Variants in RBFOX1 observed in about 807,000 individuals in gnomAD.
RBFOX1 encodes RNA binding fox-1 homolog 1, also known as RNA binding protein fox-1 homolog 1.
A neutral mutation model predicts 57.7 loss-of-function variants in RBFOX1; 8 were observed. That is an observed-to-expected ratio of 0.14 (90% confidence interval 0.08 to 0.25). The LOEUF is 0.25. Among genes scored for constraint, RBFOX1 ranks in the 10% least tolerant of loss-of-function variants. The pLI, the probability that RBFOX1 is intolerant of heterozygous loss-of-function variation, is 1.00. For synonymous variants in RBFOX1, 326 were observed against 222.4 expected, an observed-to-expected ratio of 1.47 and a Z score of -4.15; for missense variants, 611 against 548.5, an observed-to-expected ratio of 1.11 and a Z score of -1.14.
chr16:7,707,526 A>T (rs770926553), intron 14 of RBFOX1, among the ~76,000 whole-genome samples: 1 of 152,158 alleles, frequency 6.6e-6, no homozygotes, highest in Non-Finnish European at 1.5e-5. Context: ...GGAAATGGTC[A>T]AAGAATCAAA....
intron 3 of RBFOX1, among the ~76,000 whole-genome samples, chr16:6,758,122 G>A (rs1238742461): frequency 6.6e-6 from 1 of 151,958 alleles, no homozygotes; most frequent in Non-Finnish European, 1.5e-5. Flanking sequence ...CAGTAAATGG[G>A]GATTCATGAT....
intron 3 of RBFOX1, among the ~76,000 whole-genome samples, chr16:6,700,464 C>A (rs1178598043): frequency 6.6e-6 from 1 of 151,948 alleles, no homozygotes. Context: ...TGGAGACCAG[C>A]CTAGCCAACA....
At chr16:7,439,575 G>A (rs1287922630) in intron 4 of RBFOX1, among the ~76,000 whole-genome samples, 1 of 152,164 alleles carries the variant, frequency 6.6e-6, no homozygotes, top group African/African-American at 2.4e-5. Context: ...AACGAGGAGA[G>A]CATTTAATCC....
Position 6,665,262 on chromosome 16 carries a change from C to T in RBFOX1, c.-16+10612C>T, listed in dbSNP as rs111467361. ...GGGCGATGTCCCTCTTGTTTGTCTT[C>T]CCTCAGCCACCCCAGCAGTGGGATG... On this transcript the variant is annotated intron_variant, in intron 3 of 15. Transcript: ENST00000550418. Among the ~76,000 whole-genome samples the T allele has an allele frequency of 6.5e-3, 991 of 152,206 alleles. 12 individuals are homozygous for T. Among genetic ancestry groups the T allele is most frequent in the African/African-American group, 0.023 (940 of 41,532 alleles).
At chr16:6,658,489 G>A (rs2098676954) in intron 3 of RBFOX1, among the ~76,000 whole-genome samples, 1 of 152,128 alleles carries the variant, frequency 6.6e-6, no homozygotes, top group Non-Finnish European at 1.5e-5. Flanking sequence ...TTACAGGCAT[G>A]AGCCACCACA....
intron 12 of RBFOX1, among the ~76,000 whole-genome samples, chr16:7,663,546 C>T (rs2068361169): frequency 6.6e-6 from 1 of 151,226 alleles, no homozygotes; most frequent in Non-Finnish European, 1.5e-5. Flanking sequence ...AAAATGCCTT[C>T]CCTTGGCTCA....
chr16:6,167,757 G>A (rs1269965737), intron 1 of RBFOX1, among the ~76,000 whole-genome samples: 1 of 152,110 alleles, frequency 6.6e-6, no homozygotes, highest in Non-Finnish European at 1.5e-5. Flanking sequence ...ATGTGGTCCT[G>A]GGGCCTCAGA....
intron 4 of RBFOX1, among the ~76,000 whole-genome samples, chr16:7,153,672 C>A (rs998289555): frequency 1.3e-5 from 2 of 149,232 alleles, no homozygotes; most frequent in African/African-American, 5.0e-5. Context: ...ATCGCTGGAA[C>A]CCTGAAGTCG....
intron 4 of RBFOX1, among the ~76,000 whole-genome samples, chr16:5,884,442 G>A (rs1374081693): frequency 3.4e-5 from 5 of 146,380 alleles, no homozygotes; most frequent in African/African-American, 1.0e-4. Flanking sequence ...CTGTTCCACC[G>A]CCCCGCCCCC....
At chr16:7,632,108 C>T (rs1228144905) in intron 11 of RBFOX1, among the ~76,000 whole-genome samples, 1 of 152,154 alleles carries the variant, frequency 6.6e-6, no homozygotes, top group Admixed American at 6.5e-5. Flanking sequence ...GAGGTTTCCC[C>T]ATCTTGGCCA....
At chr16:5,654,155 C>A (rs866525938) in intron 3 of RBFOX1, among the ~76,000 whole-genome samples, 118 of 152,266 alleles carry the variant, frequency 7.7e-4, no homozygotes, top group Middle Eastern at 3.4e-3. Context: ...CTGGACGAGT[C>A]GTTTTCTGAG....
At chr16:7,376,505 C>G (rs934156694) in intron 4 of RBFOX1, among the ~76,000 whole-genome samples, 1 of 152,148 alleles carries the variant, frequency 6.6e-6, no homozygotes, top group Non-Finnish European at 1.5e-5. Context: ...TGAGTGTTTA[C>G]CACAGCTCTG....
chr16:7,331,119 C>T (rs2096687160), intron 4 of RBFOX1, among the ~76,000 whole-genome samples: 1 of 152,090 alleles, frequency 6.6e-6, no homozygotes, highest in Non-Finnish European at 1.5e-5. Context: ...CCCTGTCCGC[C>T]GTCGTTATCT....
rs555060893 is a variant in RBFOX1, at chr16:5,925,711, T to G, written c.351+58376T>G. 3.9e-5 allele frequency among the ~76,000 whole-genome samples: 6 copies of G among 152,308 alleles called. No homozygotes were observed. The South Asian group carries it at 1.2e-3, about 32-fold the overall frequency. On this transcript the variant is annotated intron_variant, in intron 4 of 19. Coordinates refer to the RBFOX1 transcript ENST00000641259. ...ATTATGTTATACTGAAATATAGAAT[T>G]ACCTAAAACTGTACATAATTGTATG...
chr16:5,631,652 T>G (rs1215038534), intron 3 of RBFOX1, among the ~76,000 whole-genome samples: 1 of 152,222 alleles, frequency 6.6e-6, no homozygotes, highest in Non-Finnish European at 1.5e-5. Context: ...TCTGCATTCA[T>G]GTTTCCCACC....
intron 3 of RBFOX1, among the ~76,000 whole-genome samples, chr16:6,991,545 T>C (rs1596319432): frequency 6.6e-6 from 1 of 152,196 alleles, no homozygotes; most frequent in Non-Finnish European, 1.5e-5. Context: ...CTTTTTGTTG[T>C]TGTTGTTTTG....
chr16:6,827,717 T>A (rs1471289598), intron 3 of RBFOX1, among the ~76,000 whole-genome samples: 1 of 152,176 alleles, frequency 6.6e-6, no homozygotes, highest in African/African-American at 2.4e-5. Context: ...CATGGTTGTT[T>A]GCCCATGCTG....
intron 2 of RBFOX1, among the ~76,000 whole-genome samples, chr16:5,544,951 CTTTTT>C (rs59873374): frequency 3.2e-5 from 4 of 124,352 alleles, no homozygotes; most frequent in African/African-American, 1.4e-4. Flanking sequence ...CTATTACATT[CTTTTT>C]TTTTTTTTTT....
intron 3 of RBFOX1, among the ~76,000 whole-genome samples, chr16:6,971,991 C>G (rs140625421): frequency 6.6e-6 from 1 of 152,056 alleles, no homozygotes; most frequent in African/African-American, 2.4e-5. Flanking sequence ...AATCCCTGCA[C>G]GCAAGTTTTA....
Sources: gnomAD v4.1 joint callset for allele counts (sites outside exome capture counted in the v4.1 genomes callset) on GRCh38, gnomAD v4.1.1 for gene constraint, MANE v1.5 for transcripts, NCBI Gene and HGNC (gene_info 2026-07-23, HGNC 2026-07-21) for gene names.